MPRIP: variants seen among roughly 807,000 people sequenced by gnomAD.
The protein encoded by MPRIP is myosin phosphatase Rho interacting protein, also known as myosin phosphatase Rho-interacting protein.
In MPRIP, 59 loss-of-function variants were observed where a neutral mutation model predicts 234.9. The observed-to-expected ratio is 0.25, with a 90% CI of 0.20 to 0.31. MPRIP has a LOEUF of 0.31. Among genes scored for constraint, MPRIP ranks in the 10% least tolerant of loss-of-function variants. The pLI is 1.00. For missense variants in MPRIP, 2,436 were observed against 3,071.0 expected, an observed-to-expected ratio of 0.79 and a Z score of 4.89; for synonymous variants, 1,144 against 1,263.9, an observed-to-expected ratio of 0.91 and a Z score of 2.01.
At chr17:17,108,154 T>C (rs1372863208) in intron 3 of MPRIP, among the ~76,000 whole-genome samples, 2 of 152,216 alleles carry the variant, frequency 1.3e-5, no homozygotes, top group East Asian at 3.8e-4. Context: ...GGCATGGCCT[T>C]TCAGGGTACT....
Position 17,096,705 on chromosome 17 carries a change from G to A in MPRIP, c.267+18629G>A, listed in dbSNP as rs1295997041. 16 of 469,110 alleles carry A rather than the reference G, an allele frequency of 3.4e-5. No individual in the cohort carries two copies. The Admixed American group carries it at 3.5e-4, about 10-fold the overall frequency. 29.1% of individuals were successfully genotyped at this position (469,110 alleles called of 1,614,324 possible). A position where few individuals can be genotyped will look rare whatever the true frequency, so the allele number is the denominator to read the frequency against. On this transcript the variant is annotated intron_variant, in intron 3 of 23. Transcript: ENST00000651222. ...AGCAATACCATCAGGCAGATCTGGG[G>A]CTCAGCCCTGTCCTTACCCAGGGCC...
At chr17:17,049,978 G>A (rs992645190) in intron 1 of MPRIP, among the ~76,000 whole-genome samples, 6 of 152,166 alleles carry the variant, frequency 3.9e-5, no homozygotes, top group Non-Finnish European at 7.3e-5. Flanking sequence ...CACGAGGTCA[G>A]GAGATCAAGA....
At position 17,187,894 on chromosome 17, in the gene MPRIP, AATAG is replaced by A. The variant is rs2046507300; in HGVS notation, c.*3006_*3009del. On this transcript the variant is annotated 3_prime_UTR_variant, in exon 24 of 24. Transcript: ENST00000651222. ...GCTTTACCGATGAGGAAGAAGTTCAAATAGATAGACTTCAGCATTTTAATTATTT... is the reference window on the plus strand; with the variant it reads ...GCTTTACCGATGAGGAAGAAGTTCAAATAGACTTCAGCATTTTAATTATTT... 1 of 152,258 alleles carries A rather than the reference AATAG, an allele frequency of 6.6e-6. No homozygotes were observed. Among genetic ancestry groups the A allele is most frequent in the Non-Finnish European group, 1.5e-5 (1 of 68,056 alleles). The allele number at this position is 152,258 out of a possible 1,614,324, so 9.4% of individuals were successfully genotyped here.
intron 16 of MPRIP, among the ~76,000 whole-genome samples, chr17:17,170,655 A>G (rs115146874): frequency 0.024 from 3,610 of 152,218 alleles, 114 homozygotes; most frequent in Middle Eastern, 0.085. Context: ...GAGTGGGGAA[A>G]CCCCCACACT....
At chr17:17,142,803 T>C in intron 8 of MPRIP, 38 bp downstream of exon 8, 1 of 1,603,064 alleles carries the variant, frequency 6.2e-7, no homozygotes, top group Non-Finnish European at 8.5e-7. Flanking sequence ...CAGGGGTGGC[T>C]CGGGGGCGGG....
At chr17:17,043,024 C>T in intron 1 of MPRIP, 53 bp downstream of exon 1, 1 of 1,562,938 alleles carries the variant, frequency 6.4e-7, no homozygotes, top group Non-Finnish European at 8.7e-7. Context: ...CGCGGGTCGG[C>T]GGCCGGGGCG....
Position 17,078,153 on chromosome 17 carries a change from G to A in MPRIP, c.267+77G>A, listed in dbSNP as rs1286726185. 1.4e-6 allele frequency: 2 copies of A among 1,461,110 alleles called. No homozygotes were observed. Among genetic ancestry groups the A allele is most frequent in the African/African-American group, 1.4e-5 (1 of 71,778 alleles). The allele number at this position is 1,461,110 out of a possible 1,614,324, so 90.5% of individuals were successfully genotyped here. A position where few individuals can be genotyped will look rare whatever the true frequency, so the allele number is the denominator to read the frequency against. On this transcript the variant is annotated intron_variant, in intron 3 of 23. Coordinates refer to ENST00000651222, the MANE Select transcript of MPRIP (RefSeq NM_001364716.4). This position sits in a 1 kb window ranked among gnomAD's most constrained non-coding sequence, Gnocchi z 4.3. ...CATTACAGTGCCCTTGCGTTGTCAT[G>A]TGAGAGCACAGCAGCCATGTGCTCC...
At chr17:17,149,689 A>G (rs570411947) in intron 11 of MPRIP, 1 of 148,012 alleles carries the variant, frequency 6.8e-6, no homozygotes, top group East Asian at 1.9e-4. Flanking sequence ...TAAATTTTAC[A>G]TTTATATTAA....
intron 1 of MPRIP, among the ~76,000 whole-genome samples, chr17:17,056,335 A>G (rs1421427799): frequency 6.6e-6 from 1 of 152,230 alleles, no homozygotes; most frequent in Non-Finnish European, 1.5e-5. Flanking sequence ...TCCCTTTGCC[A>G]TGAATGGCGT....
intron 16 of MPRIP, 139 bp from the exon 17 acceptor site, chr17:17,171,579 C>T: frequency 9.2e-7 from 1 of 1,082,538 alleles, no homozygotes. Flanking sequence ...GTTCAGGGCG[C>T]CCATGGTGGA....
At chr17:17,119,534 G>A (rs923962149) in intron 3 of MPRIP, among the ~76,000 whole-genome samples, 7 of 152,236 alleles carry the variant, frequency 4.6e-5, no homozygotes, top group Non-Finnish European at 8.8e-5. Flanking sequence ...TAATCACTTG[G>A]AGCCCCAGCT....
chr17:17,104,980 C>T (rs1297778976), intron 3 of MPRIP, among the ~76,000 whole-genome samples: 1 of 152,160 alleles, frequency 6.6e-6, no homozygotes, highest in Non-Finnish European at 1.5e-5. Flanking sequence ...GGCCTTGTTG[C>T]TTCCAGGTGC....
rs1253757404 is a variant in MPRIP at position 17,192,079 on chromosome 17, C to T, written c.*7185C>T. 1 of 152,132 alleles carries T rather than the reference C, an allele frequency of 6.6e-6. No homozygotes were observed. The highest frequency in any genetic ancestry group is 2.4e-5 in the African/African-American group (1 of 41,420). The allele number at this position is 152,132 out of a possible 1,614,324, so 9.4% of individuals were successfully genotyped here. Reference sequence around the variant, plus strand: ...TCAAAATTCGTTATCAAAGGCAAAACCTACTGTGCCAAGCTGGGGCGCTAT... The same window carrying T: ...TCAAAATTCGTTATCAAAGGCAAAATCTACTGTGCCAAGCTGGGGCGCTAT... On this transcript the variant is annotated 3_prime_UTR_variant, in exon 24 of 24. Coordinates refer to ENST00000651222, the MANE Select transcript of MPRIP (RefSeq NM_001364716.4).
intron 3 of MPRIP, among the ~76,000 whole-genome samples, chr17:17,122,440 G>A (rs1422557392): frequency 1.3e-5 from 2 of 152,154 alleles, no homozygotes; most frequent in East Asian, 1.9e-4. Flanking sequence ...TGCAAGCTCC[G>A]CCTCCCGGGT....
At chr17:17,056,935 C>T (rs530551837) in intron 1 of MPRIP, among the ~76,000 whole-genome samples, 2 of 152,356 alleles carry the variant, frequency 1.3e-5, no homozygotes, top group African/African-American at 4.8e-5. Context: ...GGTTCATCCA[C>T]CTTGCAGCAC....
chr17:17,104,513 C>G (rs1333851929), intron 3 of MPRIP, among the ~76,000 whole-genome samples: 2 of 152,148 alleles, frequency 1.3e-5, no homozygotes, highest in African/African-American at 4.8e-5. Flanking sequence ...TTCCTTCCTC[C>G]CGACCAGTCC....
At chr17:17,092,611 G>A (rs1428077549) in intron 3 of MPRIP, among the ~76,000 whole-genome samples, 1 of 152,084 alleles carries the variant, frequency 6.6e-6, no homozygotes, top group African/African-American at 2.4e-5. Flanking sequence ...GCAGCCCATG[G>A]GATCAGACCC....
chr17:17,176,742 G>A (rs1040743909), intron 21 of MPRIP, among the ~76,000 whole-genome samples: 1 of 152,248 alleles, frequency 6.6e-6, no homozygotes, highest in Non-Finnish European at 1.5e-5. Flanking sequence ...CAGTGTGTAT[G>A]TGCTTTTTGT....
Position 17,078,104 on chromosome 17 carries a change from TC to T in MPRIP, c.267+32del. 1 of 1,612,056 alleles carries T rather than the reference TC, an allele frequency of 6.2e-7. No individual in the cohort carries two copies. Among genetic ancestry groups the T allele is most frequent in the Non-Finnish European group, 8.5e-7 (1 of 1,178,316 alleles). On this transcript the variant is annotated intron_variant, in intron 3 of 23. Transcript: ENST00000651222. This position sits in a 1 kb window ranked among gnomAD's most constrained non-coding sequence, Gnocchi z 4.3. ...AAGTGTTATCCTTGCCCACTCCCTG[TC>T]CCCAGCCTTCACCAAGTCCCTCCAT...
Sources: allele counts gnomAD v4.1 joint callset (sites outside exome capture counted in the v4.1 genomes callset), GRCh38; gene constraint gnomAD v4.1.1; non-coding constraint Gnocchi (gnomAD v3.1); transcripts MANE v1.5; gene names NCBI Gene and HGNC (gene_info 2026-07-23, HGNC 2026-07-21).